Variants in PSME4 observed in about 807,000 individuals in gnomAD.
PSME4 encodes the protein proteasome activator complex subunit 4.
PSME4 carries 89 observed loss-of-function variants against 253.9 expected under a neutral mutation model. That is an observed-to-expected ratio of 0.35 (90% confidence interval 0.30 to 0.42). The LOEUF is 0.42. Among genes scored for constraint, PSME4 ranks in the 10% least tolerant of loss-of-function variants. The pLI is 1.00. For synonymous variants in PSME4, 851 were observed against 759.2 expected, an observed-to-expected ratio of 1.12 and a Z score of -1.99; for missense variants, 2,014 against 2,195.2, an observed-to-expected ratio of 0.92 and a Z score of 1.65.
intron 14 of PSME4, among the ~76,000 whole-genome samples, chr2:53,924,384 G>A (rs1023908247): frequency 1.3e-5 from 2 of 152,148 alleles, no homozygotes; most frequent in Admixed American, 1.3e-4. Flanking sequence ...AGAAGAAACA[G>A]AAATGAAAAT....
chr2:53,867,409 A>C (rs1242537228), intron 44 of PSME4, among the ~76,000 whole-genome samples: 1 of 151,414 alleles, frequency 6.6e-6, no homozygotes, highest in African/African-American at 2.4e-5. Flanking sequence ...CTGAGGCATG[A>C]GAATCATTTG....
intron 1 of PSME4, among the ~76,000 whole-genome samples, chr2:53,967,223 T>C (rs1405526346): frequency 2.0e-5 from 3 of 152,216 alleles, no homozygotes; most frequent in African/African-American, 7.2e-5. Flanking sequence ...ACAGTTCTAG[T>C]ACTTTAAATT....
Position 53,925,946 on chromosome 2 carries a change from G to A in PSME4, c.1658+13C>T. 1 of 1,607,686 alleles carries A rather than the reference G, an allele frequency of 6.2e-7. No homozygotes were observed. The highest frequency in any genetic ancestry group is 8.5e-7 in the Non-Finnish European group (1 of 1,174,362). On this transcript the variant is annotated intron_variant, in intron 13 of 46. Coordinates refer to ENST00000404125, the MANE Select transcript of PSME4 (RefSeq NM_014614.3). ...GAATTTCAGCTAAACGTTGGTGTGG[G>A]TTACAAGCTCACCTGTCCATAAACT... is the stretch of plus-strand genomic sequence containing the variant.
intron 39 of PSME4, 38 bp from the exon 40 acceptor site, chr2:53,887,505 A>C (rs1679694960): frequency 4.6e-6 from 7 of 1,529,838 alleles, no homozygotes; most frequent in Non-Finnish European, 6.3e-6. Flanking sequence ...AAGAGGTGCC[A>C]CATTATAAAT....
Position 53,898,011 on chromosome 2 carries a change from G to C in PSME4, c.3477-12C>G. The C allele has an allele frequency of 6.2e-7, 1 of 1,604,934 alleles. No individual in the cohort carries two copies. Among genetic ancestry groups the C allele is most frequent in the Non-Finnish European group, 8.5e-7 (1 of 1,176,648 alleles). On this transcript the variant is annotated splice_polypyrimidine_tract_variant and intron_variant, in intron 30 of 46. Transcript: ENST00000404125. Reference sequence around the variant, plus strand: ...CAAATTTCCAGGGCCTTAAAAGGAGGAAAAATAACAAAGCATATCACACAT... The same window carrying C: ...CAAATTTCCAGGGCCTTAAAAGGAGCAAAAATAACAAAGCATATCACACAT...
At chr2:53,916,547 T>C in intron 20 of PSME4, among the ~76,000 whole-genome samples, 1 of 152,242 alleles carries the variant, frequency 6.6e-6, no homozygotes, top group Non-Finnish European at 1.5e-5. Context: ...ATGCTACAGA[T>C]ATTCATTCTT....
intron 21 of PSME4, 151 bp downstream of exon 21, chr2:53,909,924 C>T (rs1399170655): frequency 2.9e-5 from 21 of 732,328 alleles, no homozygotes; most frequent in South Asian, 4.4e-5. Flanking sequence ...GAGCAGAGAT[C>T]GCGTCACCAC....
intron 1 of PSME4, among the ~76,000 whole-genome samples, chr2:53,960,662 C>T (rs911505636): frequency 2.6e-5 from 4 of 152,174 alleles, no homozygotes; most frequent in Non-Finnish European, 4.4e-5. Flanking sequence ...ATTTAATCTC[C>T]ATAAAATCTG....
At chr2:53,885,309 C>A (rs1051350814) in intron 41 of PSME4, among the ~76,000 whole-genome samples, 2 of 152,138 alleles carry the variant, frequency 1.3e-5, no homozygotes, top group African/African-American at 4.8e-5. Context: ...AAAACAAACA[C>A]AATATACTGA....
rs1309039314 is a variant in PSME4 at position 53,896,904 on chromosome 2, A to G, written c.3607-19T>C. ...TAGCCATCTAGAAAAGGAAAAAGGT[A>G]CACATTCATAAAAAAAAGTTTAAAT... On this transcript the variant is annotated intron_variant, in intron 31 of 46. Transcript: ENST00000404125. 6.4e-7 allele frequency: 1 copy of G among 1,571,970 alleles called. No homozygotes were observed. The highest frequency in any genetic ancestry group is 8.7e-7 in the Non-Finnish European group (1 of 1,143,010).
chr2:53,916,665 T>C (rs1668077132), intron 20 of PSME4, among the ~76,000 whole-genome samples: 1 of 152,214 alleles, frequency 6.6e-6, no homozygotes. Context: ...GAACAATTAC[T>C]AACCTATATT....
At chr2:53,957,419 T>C (rs1403468384) in intron 1 of PSME4, among the ~76,000 whole-genome samples, 7 of 152,066 alleles carry the variant, frequency 4.6e-5, no homozygotes, top group Non-Finnish European at 8.8e-5. Flanking sequence ...TGGGGGGTGA[T>C]GGGAGACAGT....
chr2:53,883,161 C>T (rs907597258), intron 41 of PSME4, among the ~76,000 whole-genome samples: 3 of 152,136 alleles, frequency 2.0e-5, no homozygotes, highest in Non-Finnish European at 2.9e-5. Context: ...TAAACTTACA[C>T]TGTTACTGAA....
intron 20 of PSME4, among the ~76,000 whole-genome samples, chr2:53,915,963 T>A (rs1668042086): frequency 6.6e-6 from 1 of 152,056 alleles, no homozygotes; most frequent in Non-Finnish European, 1.5e-5. Flanking sequence ...CAATACTGGC[T>A]ACTTGAGAAT....
intron 24 of PSME4, among the ~76,000 whole-genome samples, chr2:53,907,368 C>A (rs1680708125): frequency 6.6e-6 from 1 of 152,148 alleles, no homozygotes; most frequent in African/African-American, 2.4e-5. Context: ...CTCAAAGACT[C>A]TTCTTCTTTC....
At chr2:53,947,549 C>CA (rs377427625) in intron 3 of PSME4, among the ~76,000 whole-genome samples, 2 of 151,860 alleles carry the variant, frequency 1.3e-5, no homozygotes, top group African/African-American at 4.8e-5. Flanking sequence ...ACTAAAAACA[C>CA]AAAAAAATTA....
At chr2:53,890,350 A>T (rs1324909416) in intron 36 of PSME4, 142 bp from the exon 37 acceptor site, 2 of 620,798 alleles carry the variant, frequency 3.2e-6, no homozygotes, top group African/African-American at 3.7e-5. Context: ...GCTATTGCCC[A>T]GGCTGGAGTG....
At chr2:53,880,332 C>T (rs530252249) in intron 41 of PSME4, among the ~76,000 whole-genome samples, 1 of 152,000 alleles carries the variant, frequency 6.6e-6, no homozygotes, top group Admixed American at 6.6e-5. Context: ...TGCTGGCACA[C>T]GAAGGTACTT....
chr2:53,948,379 C>A, intron 3 of PSME4, 42 bp downstream of exon 3: 1 of 1,310,054 alleles, frequency 7.6e-7, no homozygotes, highest in Non-Finnish European at 1.1e-6. Context: ...CCTAAAAAAC[C>A]CCAAGTACTC....
Sources: allele counts gnomAD v4.1 joint callset (sites outside exome capture counted in the v4.1 genomes callset), GRCh38; gene constraint gnomAD v4.1.1; transcripts MANE v1.5; gene names NCBI Gene and HGNC (gene_info 2026-07-23, HGNC 2026-07-21).